GLI3: variants seen among roughly 807,000 people sequenced by gnomAD.
GLI3 encodes GLI family zinc finger 3.
In GLI3, 20 loss-of-function variants were observed where a neutral mutation model predicts 100.8. The observed-to-expected ratio is 0.20, with a 90% confidence interval of 0.14 to 0.29. The LOEUF (loss-of-function observed/expected upper bound fraction) is 0.29. Ranked by LOEUF, GLI3 falls within the 10% of genes least tolerant of loss-of-function variation. The probability of loss-of-function intolerance (pLI) is 1.00; values close to 1 mark genes in which losing one functional copy is unlikely to be tolerated. For synonymous variants in GLI3, 938 were observed against 860.5 expected (o/e 1.09, Z -1.58); for missense variants, 2,040 against 2,128.5 (o/e 0.96, Z 0.82).
chr7:41,967,807 G>T lies in GLI3; in HGVS notation c.2220C>A (p.Asp740Glu), dbSNP rs1344881481. 1 of 1,614,146 alleles carries T rather than the reference G, an allele frequency of 6.2e-7. No individual in the cohort carries two copies. ...TTGGGGTTTCATCGATGGCACTGAG[G>T]TCTCCTATACTACCTCCATCGGTCA... is the stretch of plus-strand genomic sequence containing the variant. Reference protein sequence around the residue: ...LPLTDGGSIGDLSAIDETPIM... With the variant: ...LPLTDGGSIGELSAIDETPIM... The change falls in exon 14 of 15, where the codon GAC becomes GAA. Residue 740 changes from aspartate (D) to glutamate (E), a missense_variant. By Grantham distance (45) the Asp-to-Glu change is conservative (BLOSUM62 2). Coordinates refer to ENST00000395925, the MANE Select transcript of GLI3 (RefSeq NM_000168.6).
intron 10 of GLI3, among the ~76,000 whole-genome samples, chr7:42,021,946 T>C (rs1189608991): frequency 6.6e-6 from 1 of 152,248 alleles, no homozygotes; most frequent in African/African-American, 2.4e-5. Context: ...GATATTCCAA[T>C]GTTTTTGTGA....
intron 10 of GLI3, among the ~76,000 whole-genome samples, chr7:41,981,382 C>G (rs1787664318): frequency 6.6e-6 from 1 of 152,222 alleles, no homozygotes; most frequent in African/African-American, 2.4e-5. Context: ...ATAAAACTCA[C>G]ATACACCCCA....
intron 3 of GLI3, among the ~76,000 whole-genome samples, chr7:42,125,635 G>A (rs570504650): frequency 4.6e-5 from 7 of 152,178 alleles, no homozygotes; most frequent in African/African-American, 1.4e-4. Flanking sequence ...CCATGCACAC[G>A]ACATGAAACA....
chr7:42,134,197 C>T (rs1786369021), intron 3 of GLI3, among the ~76,000 whole-genome samples: 3 of 152,060 alleles, frequency 2.0e-5, no homozygotes, highest in South Asian at 4.1e-4. Flanking sequence ...CCAGGGATGA[C>T]ATCTCAAGTA....
intron 3 of GLI3, among the ~76,000 whole-genome samples, chr7:42,087,934 T>A (rs1223564849): frequency 6.6e-6 from 1 of 152,156 alleles, no homozygotes; most frequent in Non-Finnish European, 1.5e-5. Context: ...AGAGTTTGTT[T>A]TAAGGGTTTC....
At chr7:42,115,800 C>G (rs1052453774) in intron 3 of GLI3, among the ~76,000 whole-genome samples, 2 of 152,146 alleles carry the variant, frequency 1.3e-5, no homozygotes, top group African/African-American at 2.4e-5. Flanking sequence ...GATTTCTTAT[C>G]CCCTCTGAGA....
In GLI3 at chr7:42,148,143, A is replaced by G. The variant is rs1020963995; in HGVS notation, c.367+83T>C. 467 of 733,078 alleles carry G rather than the reference A, an allele frequency of 6.4e-4. 1 individual carries two copies. Among genetic ancestry groups the G allele is most frequent in the African/African-American group, 1.1e-3 (53 of 48,574 alleles). The allele number at this position is 733,078 out of a possible 1,614,324, so 45.4% of individuals were successfully genotyped here. On this transcript the variant is annotated intron_variant, in intron 3 of 14. Transcript: ENST00000395925. ...AAAACTTCATAAAGCGCGCACACAC[A>G]CACACACACACACACACACACACAC...
chr7:42,239,603 C>A (rs903706867), upstream of GLI3, among the ~76,000 whole-genome samples: 17 of 152,162 alleles, frequency 1.1e-4, no homozygotes, highest in Non-Finnish European at 1.3e-4. Context: ...AATAAATCAT[C>A]AAATAATAGA....
rs150085252 is a variant in GLI3 at position 42,184,064 on chromosome 7, C to T, written c.125-35596G>A. Among the ~76,000 whole-genome samples the T allele has an allele frequency of 1.8e-4, 28 of 152,282 alleles. No individual in the cohort carries two copies. In the East Asian group the frequency reaches 4.6e-3, roughly 25 times the overall value. ...GACAGTAGCCACTTGATAGGATTAC[C>T]GAGGATTAGATGCGTCACTCATGCA... is the stretch of plus-strand genomic sequence containing the variant. On this transcript the variant is annotated intron_variant, in intron 2 of 14. Transcript: ENST00000395925.
chr7:41,977,699 G>A lies in GLI3; in HGVS notation c.1671C>T (p.Tyr557=), dbSNP rs143948870. The A allele has an allele frequency of 2.0e-4, 319 of 1,614,018 alleles. 1 individual carries two copies. In the African/African-American group the frequency reaches 4.1e-3, roughly 21 times the overall value. ...KCTFEGCTKA[Y]SRLENLKTHL... is the part of the protein sequence containing the mutation. Reference sequence around the variant, plus strand: ...GTGTTTTCAAGTTTTCTAGTCTCGAGTAGGCCTTTGTGCAACCTTCAAACT... The same window carrying A: ...GTGTTTTCAAGTTTTCTAGTCTCGAATAGGCCTTTGTGCAACCTTCAAACT... Residue 557 remains tyrosine (Y), a synonymous_variant, in exon 12 of 15, where the codon TAC becomes TAT. Transcript: ENST00000395925.
chr7:42,213,596 T>C (rs761805752), intron 2 of GLI3, among the ~76,000 whole-genome samples: 9 of 152,226 alleles, frequency 5.9e-5, no homozygotes, highest in Non-Finnish European at 1.3e-4. Flanking sequence ...TGGGGTTCTC[T>C]GTGGCAGCTC....
chr7:42,189,876 A>C (rs773401176), intron 2 of GLI3, among the ~76,000 whole-genome samples: 3 of 152,086 alleles, frequency 2.0e-5, no homozygotes, highest in African/African-American at 4.8e-5. Context: ...TATTTTCAAA[A>C]TCTATCATCA....
chr7:42,215,486 C>G (rs533812855), intron 2 of GLI3, among the ~76,000 whole-genome samples: 9 of 152,258 alleles, frequency 5.9e-5, no homozygotes, highest in African/African-American at 1.9e-4. Flanking sequence ...ATTTTCCTCC[C>G]ATCATCACCA....
chr7:42,100,768 G>T (rs897229918), intron 3 of GLI3, among the ~76,000 whole-genome samples: 2 of 151,988 alleles, frequency 1.3e-5, no homozygotes, highest in African/African-American at 4.8e-5. Flanking sequence ...GTGGGGGTTT[G>T]TACACAGACA....
chr7:42,184,247 C>A (rs1787675156), intron 2 of GLI3, among the ~76,000 whole-genome samples: 1 of 152,248 alleles, frequency 6.6e-6, no homozygotes, highest in African/African-American at 2.4e-5. Flanking sequence ...TGGCCAGTCT[C>A]TGTTTCTGTT....
intron 10 of GLI3, among the ~76,000 whole-genome samples, chr7:42,007,902 T>G (rs182976987): frequency 6.6e-6 from 1 of 150,814 alleles, no homozygotes; most frequent in East Asian, 1.9e-4. Context: ...TGTTTTATAA[T>G]AAAAAAATTA....
intron 1 of GLI3, among the ~76,000 whole-genome samples, chr7:42,246,216 C>T (rs1220784660): frequency 6.6e-6 from 1 of 152,158 alleles, no homozygotes; most frequent in African/African-American, 2.4e-5. Flanking sequence ...ACTCTAAATC[C>T]CTGAGATCCA....
intron 4 of GLI3, among the ~76,000 whole-genome samples, chr7:42,070,759 G>A (rs925512092): frequency 6.6e-6 from 1 of 151,844 alleles, no homozygotes; most frequent in Admixed American, 6.6e-5. Flanking sequence ...CTTTGATATT[G>A]CTATGGTCTT....
intron 4 of GLI3, among the ~76,000 whole-genome samples, chr7:42,074,517 G>A (rs189965052): frequency 4.4e-4 from 67 of 152,300 alleles, no homozygotes; most frequent in Admixed American, 7.2e-4. Flanking sequence ...TCTCTGGGAC[G>A]GCCCTTAAAT....
Sources: gnomAD v4.1 joint callset for allele counts (sites outside exome capture counted in the v4.1 genomes callset) on GRCh38, gnomAD v4.1.1 for gene constraint, MANE v1.5 for transcripts, NCBI Gene and HGNC (gene_info 2026-07-23, HGNC 2026-07-21) for gene names.